The following CNTN3 variants were observed in gnomAD, a reference collection of about 807,000 sequenced individuals.
CNTN3 encodes contactin 3, also known as contactin-3.
Under a neutral mutation model 119.1 loss-of-function variants are expected in CNTN3, and 60 were observed. The ratio of observed to expected loss-of-function variants is 0.50; its 90% confidence interval spans 0.41 to 0.62. The LOEUF is 0.62. Among genes scored for constraint, CNTN3 ranks in the 20% least tolerant of loss-of-function variants. The probability of loss-of-function intolerance (pLI) is 0.00; values close to 1 mark genes in which losing one functional copy is unlikely to be tolerated. For synonymous variants in CNTN3, 450 were observed against 438.7 expected (o/e 1.03, Z -0.32); for missense variants, 1,101 against 1,242.4 (o/e 0.89, Z 1.71).
At chr3:74,334,989 A>T in intron 12 of CNTN3, 79 bp from the exon 13 acceptor site, 1 of 1,045,528 alleles carries the variant, frequency 9.6e-7, no homozygotes, top group Non-Finnish European at 1.4e-6. Context: ...TGTTCATCTA[A>T]CTTATACTGT....
At chr3:74,470,299 G>T (rs7372975) in intron 4 of CNTN3, among the ~76,000 whole-genome samples, 122,183 of 152,068 alleles carry the variant, frequency 0.8, 49,582 homozygotes, top group African/African-American at 0.9. Context: ...CTAGAAACAC[G>T]GAATTGTATA....
intron 5 of CNTN3, among the ~76,000 whole-genome samples, chr3:74,397,385 C>A (rs1191620198): frequency 3.3e-5 from 5 of 152,064 alleles, no homozygotes; most frequent in Admixed American, 6.6e-5. Flanking sequence ...CCTGCAAATA[C>A]ATCTATTCTG....
intron 19 of CNTN3, among the ~76,000 whole-genome samples, chr3:74,288,780 C>A (rs534345032): frequency 4.6e-5 from 7 of 152,066 alleles, no homozygotes; most frequent in Non-Finnish European, 8.8e-5. Context: ...CCTCAGGCAC[C>A]CAGGATCCAT....
chr3:74,587,933 G>C (rs2106680071), intron 1 of CNTN3, among the ~76,000 whole-genome samples: 1 of 152,222 alleles, frequency 6.6e-6, no homozygotes, highest in Admixed American at 6.5e-5. Context: ...CTGTGGGTTT[G>C]TCATAGATAG....
At chr3:74,458,160 G>T (rs1702302911) in intron 4 of CNTN3, among the ~76,000 whole-genome samples, 1 of 152,000 alleles carries the variant, frequency 6.6e-6, no homozygotes, top group Non-Finnish European at 1.5e-5. Context: ...ATTTGATGAG[G>T]TCTAGGAAGA....
intron 5 of CNTN3, among the ~76,000 whole-genome samples, chr3:74,416,843 C>T (rs1046552363): frequency 2.0e-5 from 3 of 151,880 alleles, no homozygotes; most frequent in South Asian, 4.2e-4. Flanking sequence ...CAAAAATTAG[C>T]CGGGCATGGT....
intron 4 of CNTN3, among the ~76,000 whole-genome samples, chr3:74,456,103 T>C (rs146906375): frequency 2.0e-5 from 3 of 152,216 alleles, no homozygotes; most frequent in East Asian, 3.9e-4. Context: ...AAATGTCCTA[T>C]ACTTACATAG....
At chr3:74,602,246 TG>T (rs1280013357) in intron 1 of CNTN3, among the ~76,000 whole-genome samples, 2 of 129,940 alleles carry the variant, frequency 1.5e-5, no homozygotes, top group African/African-American at 6.1e-5. Flanking sequence ...CAGTAAGCCA[TG>T]ATCGCACCAC....
At chr3:74,427,435 T>C (rs369279888) in intron 4 of CNTN3, among the ~76,000 whole-genome samples, 2 of 152,186 alleles carry the variant, frequency 1.3e-5, no homozygotes, top group Non-Finnish European at 2.9e-5. Flanking sequence ...AGTCAAGGTA[T>C]AGCGAGACTT....
Position 74,419,312 on chromosome 3 carries a change from C to T in CNTN3, c.454+5533G>A, listed in dbSNP as rs560886985. ...GGACAAGTCTTCCTAGAGATGAAAA[C>T]TCCTATTCAGTGCGTTTTCTTCAGG... is the stretch of plus-strand genomic sequence containing the variant. On this transcript the variant is annotated intron_variant, in intron 5 of 22. Coordinates refer to ENST00000263665, the MANE Select transcript of CNTN3 (RefSeq NM_020872.3). Among the ~76,000 whole-genome samples the T allele has an allele frequency of 3.9e-5, 6 of 152,198 alleles. No individual in the cohort carries two copies. The East Asian group carries it at 5.8e-4, about 15-fold the overall frequency.
chr3:74,319,136 G>T (rs981692626), intron 13 of CNTN3, among the ~76,000 whole-genome samples: 1 of 152,068 alleles, frequency 6.6e-6, no homozygotes, highest in Non-Finnish European at 1.5e-5. Flanking sequence ...AGCTACCAAC[G>T]ACTTTCTTCA....
chr3:74,294,631 T>G (rs1353610627), intron 19 of CNTN3, among the ~76,000 whole-genome samples: 1 of 152,208 alleles, frequency 6.6e-6, no homozygotes, highest in Non-Finnish European at 1.5e-5. Flanking sequence ...GGTCTTACAT[T>G]ATCCTCTGTT....
At chr3:74,275,335 G>C (rs1701859246) in intron 20 of CNTN3, among the ~76,000 whole-genome samples, 1 of 152,100 alleles carries the variant, frequency 6.6e-6, no homozygotes, top group African/African-American at 2.4e-5. Flanking sequence ...TCATTGCCTA[G>C]GCACTTTGTC....
intron 4 of CNTN3, among the ~76,000 whole-genome samples, chr3:74,473,282 G>A (rs1047557631): frequency 1.3e-5 from 2 of 151,706 alleles, no homozygotes; most frequent in East Asian, 1.9e-4. Flanking sequence ...AGACTCCTTC[G>A]TAATCTAATA....
At chr3:74,343,177 C>G (rs1703589948) in intron 11 of CNTN3, among the ~76,000 whole-genome samples, 2 of 152,186 alleles carry the variant, frequency 1.3e-5, no homozygotes, top group Non-Finnish European at 2.9e-5. Context: ...ACAATGGTTT[C>G]CTGACATTTC....
At chr3:74,292,705 G>A (rs183081409) in intron 19 of CNTN3, among the ~76,000 whole-genome samples, 3 of 152,298 alleles carry the variant, frequency 2.0e-5, no homozygotes, top group Non-Finnish European at 4.4e-5. Flanking sequence ...TGAGGAAAAC[G>A]AGGATCACAG....
intron 1 of CNTN3, among the ~76,000 whole-genome samples, chr3:74,562,259 T>G (rs1016736677): frequency 1.3e-5 from 2 of 152,194 alleles, no homozygotes; most frequent in Non-Finnish European, 2.9e-5. Context: ...ACATTCAAAG[T>G]TTTACAAAGT....
At chr3:74,525,415 T>C (rs1311505485) in intron 1 of CNTN3, among the ~76,000 whole-genome samples, 5 of 151,878 alleles carry the variant, frequency 3.3e-5, no homozygotes, top group African/African-American at 1.2e-4. Context: ...AGGTAATTAA[T>C]ACTATCACAA....
chr3:74,555,644 G>A (rs1704057599), intron 1 of CNTN3, among the ~76,000 whole-genome samples: 1 of 152,116 alleles, frequency 6.6e-6, no homozygotes, highest in Non-Finnish European at 1.5e-5. Flanking sequence ...GTCTTGGGAG[G>A]ACATATGTGT....
Sources: allele counts gnomAD v4.1 joint callset (sites outside exome capture counted in the v4.1 genomes callset), GRCh38; gene constraint gnomAD v4.1.1; transcripts MANE v1.5; gene names NCBI Gene and HGNC (gene_info 2026-07-23, HGNC 2026-07-21).